The following FAM20C variants were observed in gnomAD, a reference collection of about 807,000 sequenced individuals.
FAM20C encodes extracellular serine/threonine protein kinase FAM20C.
In FAM20C, 40 loss-of-function variants were observed where a neutral mutation model predicts 51.5. That is an observed-to-expected ratio of 0.78 (90% CI 0.60 to 1.01). FAM20C has a LOEUF of 1.01. Ranked by LOEUF, FAM20C falls within the 50% of genes least tolerant of loss-of-function variation. The pLI is 0.00. For synonymous variants in FAM20C, 406 were observed against 380.6 expected (o/e 1.07, Z -0.78); for missense variants, 861 against 844.7 (o/e 1.02, Z -0.24).
intron 3 of FAM20C, among the ~76,000 whole-genome samples, chr7:236,804 T>TGGCTGTCGGGA (rs1554254069): frequency 9.6e-6 from 1 of 104,658 alleles, no homozygotes; most frequent in African/African-American, 5.0e-5. Flanking sequence ...GGGGTCCCGG[T>TGGCTGTCGGGA]GGCTGTCGGG....
chr7:219,492 G>A (rs957819541), intron 3 of FAM20C, among the ~76,000 whole-genome samples: 3 of 152,144 alleles, frequency 2.0e-5, no homozygotes, highest in Admixed American at 6.5e-5. Context: ...AGGGAGGCGC[G>A]TTCCCTCTCA....
intron 3 of FAM20C, among the ~76,000 whole-genome samples, chr7:212,419 C>A (rs118172518): frequency 6.6e-6 from 1 of 152,120 alleles, no homozygotes; most frequent in Non-Finnish European, 1.5e-5. Flanking sequence ...GCCGAGCTGA[C>A]GCCACTGCAC....
rs74195447 is a variant in FAM20C, at chr7:206,644, G to C, written c.785-2254G>C. Among the ~76,000 whole-genome samples the C allele has an allele frequency of 7.3e-4, 75 of 102,552 alleles. 2 individuals carry two copies. The highest frequency in any genetic ancestry group is 3.1e-3 in the African/African-American group (70 of 22,438). The allele number at this position is 102,552 out of a possible 152,430, so 67.3% of individuals were successfully genotyped here. A position where few individuals can be genotyped will look rare whatever the true frequency, so the allele number is the denominator to read the frequency against. On this transcript the variant is annotated intron_variant, in intron 2 of 9. Coordinates refer to ENST00000313766, the MANE Select transcript of FAM20C (RefSeq NM_020223.4). ...ATGGTCCCCTCGGCCCCGCACACGTGTCCACTGTGACGCGTCGGTCACTGT... is the reference window on the plus strand; with the variant it reads ...ATGGTCCCCTCGGCCCCGCACACGTCTCCACTGTGACGCGTCGGTCACTGT...
intron 3 of FAM20C, among the ~76,000 whole-genome samples, chr7:216,703 CAG>C (rs1491577386): frequency 3.7e-5 from 4 of 109,274 alleles, no homozygotes; most frequent in African/African-American, 1.0e-4. Context: ...GTGTGTGAGA[CAG>C]AGTGTGTGTG....
chr7:200,633 GTTTTC>G (rs1010268303), intron 2 of FAM20C, among the ~76,000 whole-genome samples: 1 of 152,242 alleles, frequency 6.6e-6, no homozygotes, highest in African/African-American at 2.4e-5. Flanking sequence ...CAAGGCTGCA[GTTTTC>G]TTTTAAAAAA....
Position 193,073 on chromosome 7 carries a change from C to G in FAM20C, c.-127C>G. 1.2e-6 allele frequency: 1 copy of G among 806,170 alleles called. No homozygotes were observed. The highest frequency in any genetic ancestry group is 3.2e-5 in the South Asian group (1 of 30,782). 49.9% of individuals were successfully genotyped at this position (806,170 alleles called of 1,614,324 possible). A position where few individuals can be genotyped will look rare whatever the true frequency, so the allele number is the denominator to read the frequency against. ...ACGCGGCCCGGGCCCGGGGACAGCC[C>G]CGGAGCTGGTAGCCGCCCGGCACCG... On this transcript the variant is annotated 5_prime_UTR_variant, in exon 1 of 10. Transcript: ENST00000313766.
At position 193,270 on chromosome 7, in the gene FAM20C, A is replaced by C. The variant is rs1583268988; in HGVS notation, c.71A>C (p.His24Pro). 2 of 1,463,474 alleles carry C rather than the reference A, an allele frequency of 1.4e-6. No homozygotes were observed. Among genetic ancestry groups the C allele is most frequent in the African/African-American group, 1.5e-5 (1 of 67,618 alleles). 90.7% of individuals were successfully genotyped at this position (1,463,474 alleles called of 1,614,324 possible). ...GTGTTCCTGGTGGCCTGCGCGCTGCACATCGCCCTGGACCTGCTGCCCAGG... is the reference window on the plus strand; with the variant it reads ...GTGTTCCTGGTGGCCTGCGCGCTGCCCATCGCCCTGGACCTGCTGCCCAGG... The part of the protein sequence containing the change: ...LMVFLVACAL[H>P]IALDLLPRLE... Residue 24 changes from histidine to proline, a missense_variant, in exon 1 of 10, where the codon CAC (histidine) becomes CCC (proline). This residue lies in a region of FAM20C where 561 missense variants were observed against 499.8 expected (regional missense o/e 1.12). Transcript: ENST00000313766.
chr7:248,467 G>C, intron 5 of FAM20C, 37 bp downstream of exon 5: 1 of 1,494,076 alleles, frequency 6.7e-7, no homozygotes, highest in East Asian at 2.5e-5. Flanking sequence ...ATCTCTCCAG[G>C]TAGCCTGGCA....
intron 2 of FAM20C, 94 bp from the exon 3 acceptor site, chr7:208,804 G>C: frequency 7.7e-7 from 1 of 1,303,726 alleles, no homozygotes; most frequent in Non-Finnish European, 1.1e-6. Context: ...CATGCCCAGA[G>C]GACCCGGATT....
At chr7:228,400 G>T (rs1337110157) in intron 3 of FAM20C, 1 of 450,938 alleles carries the variant, frequency 2.2e-6, no homozygotes, top group South Asian at 1.6e-5. Context: ...GAGGACTCAG[G>T]CCCCTCTGCT....
At chr7:252,700 G>C (rs183540731) in intron 5 of FAM20C, among the ~76,000 whole-genome samples, 228 of 152,368 alleles carry the variant, frequency 1.5e-3, no homozygotes, top group African/African-American at 5.3e-3. Context: ...CTCTGGGAGG[G>C]AGAAGCAGGA....
chr7:231,421 G>A (rs1281530863), intron 3 of FAM20C, among the ~76,000 whole-genome samples: 4 of 152,030 alleles, frequency 2.6e-5, no homozygotes, highest in African/African-American at 9.7e-5. Context: ...CCGCGTGGGA[G>A]GAGGGTCCTG....
rs183327939 is a variant in FAM20C at position 219,856 on chromosome 7, T to G, written c.863+10880T>G. Reference sequence around the variant, plus strand: ...AATTTCGAAGGATTTTCTGTTCTGCTGATAAAAATTCATGTTTCTCTCCAC... The same window carrying G: ...AATTTCGAAGGATTTTCTGTTCTGCGGATAAAAATTCATGTTTCTCTCCAC... On this transcript the variant is annotated intron_variant, in intron 3 of 9. Transcript: ENST00000313766. Among the ~76,000 whole-genome samples, 57 of 152,332 alleles carry G rather than the reference T, an allele frequency of 3.7e-4. No individual in the cohort carries two copies. The East Asian group carries it at 9.6e-3, about 26-fold the overall frequency.
chr7:229,226 G>A (rs1383711292), intron 3 of FAM20C: 2 of 243,824 alleles, frequency 8.2e-6, no homozygotes, highest in African/African-American at 2.2e-5. Flanking sequence ...TTCCTTCCAC[G>A]TGCAATGAGG....
Position 245,081 on chromosome 7 carries a change from G to T in FAM20C, c.864-1334G>T, listed in dbSNP as rs184334437. Among the ~76,000 whole-genome samples, 5 of 152,356 alleles carry T rather than the reference G, an allele frequency of 3.3e-5. No homozygotes were observed. The East Asian group carries it at 9.7e-4, about 29-fold the overall frequency. On this transcript the variant is annotated intron_variant, in intron 3 of 9. Transcript: ENST00000313766. ...ACCCCGCTGTTCGTGTGGCGATGAT[G>T]TCGGCCCGTGGCAGGGCCAGGATGC...
At chr7:201,950 A>G (rs1391738111) in intron 2 of FAM20C, among the ~76,000 whole-genome samples, 2 of 152,242 alleles carry the variant, frequency 1.3e-5, no homozygotes, top group Non-Finnish European at 2.9e-5. Flanking sequence ...TTAACTAGCC[A>G]TGTTAACTAG....
chr7:259,697 C>G, intron 9 of FAM20C, 34 bp from the exon 10 acceptor site: 1 of 1,515,320 alleles, frequency 6.6e-7, no homozygotes, highest in South Asian at 1.2e-5. Flanking sequence ...TCTCCCCTGT[C>G]CCGTGCCAGG....
chr7:202,172 A>C (rs571321467), intron 2 of FAM20C, among the ~76,000 whole-genome samples: 5 of 152,382 alleles, frequency 3.3e-5, no homozygotes, highest in African/African-American at 9.6e-5. Flanking sequence ...GGCAGTGGAC[A>C]TCTTCCCATG....
chr7:245,571 C>G (rs145606355), intron 3 of FAM20C, among the ~76,000 whole-genome samples: 7,631 of 152,288 alleles, frequency 0.05, 247 homozygotes, highest in Non-Finnish European at 0.078. Flanking sequence ...TGGCAGGGGC[C>G]GGCCTTGGTG....
Sources: allele counts gnomAD v4.1 joint callset (sites outside exome capture counted in the v4.1 genomes callset), GRCh38; gene constraint gnomAD v4.1.1; regional missense constraint gnomAD v4.1.1; transcripts MANE v1.5; gene names NCBI Gene and HGNC (gene_info 2026-07-23, HGNC 2026-07-21).